NXPH1: variants seen among roughly 807,000 people sequenced by gnomAD.
NXPH1 encodes the protein neurexophilin 1, also known as neurexophilin-1.
NXPH1 carries 5 observed loss-of-function variants against 23.7 expected under a neutral mutation model. That is an observed-to-expected ratio of 0.21 (90% CI 0.11 to 0.44). The LOEUF is 0.44. Ranked by LOEUF, NXPH1 falls within the 20% of genes least tolerant of loss-of-function variation. NXPH1 has a pLI of 0.99. For missense variants in NXPH1, 324 were observed against 321.6 expected, an observed-to-expected ratio of 1.01 and a Z score of -0.06; for synonymous variants, 144 against 122.2, an observed-to-expected ratio of 1.18 and a Z score of -1.18.
chr7:8,639,488 A>C (rs55977736), intron 2 of NXPH1, among the ~76,000 whole-genome samples: 42,353 of 152,030 alleles, frequency 0.28, 6,402 homozygotes, highest in African/African-American at 0.36. Context: ...GTTTCTCTAT[A>C]TACTTTCAAA....
intron 2 of NXPH1, among the ~76,000 whole-genome samples, chr7:8,563,591 T>A (rs551295115): frequency 2.6e-5 from 4 of 151,674 alleles, no homozygotes; most frequent in African/African-American, 9.7e-5. Flanking sequence ...TGTGAAAAAA[T>A]GTGGAGAGCT....
At chr7:8,486,688 C>G (rs1817164521) in intron 2 of NXPH1, among the ~76,000 whole-genome samples, 1 of 152,164 alleles carries the variant, frequency 6.6e-6, no homozygotes, top group African/African-American at 2.4e-5. Context: ...CTAGTCTACA[C>G]TTATTTCTAA....
intron 2 of NXPH1, among the ~76,000 whole-genome samples, chr7:8,554,093 C>T (rs371196722): frequency 1.3e-5 from 2 of 151,540 alleles, no homozygotes; most frequent in South Asian, 2.1e-4. Flanking sequence ...TGGAGTTATG[C>T]TTGTTAAGAG....
At chr7:8,742,897 GAGTTTCCATATCTCTTCAGTAAGCTGA>G (rs1261935048) in intron 2 of NXPH1, among the ~76,000 whole-genome samples, 1 of 152,160 alleles carries the variant, frequency 6.6e-6, no homozygotes, top group East Asian at 1.9e-4. Context: ...AGTGCTATTT[GAGTTTCCATATCTCTTCAGTAAGCTGA>G]AGACTTTGCT....
chr7:8,448,982 T>C (rs545196012), intron 2 of NXPH1, among the ~76,000 whole-genome samples: 2 of 152,342 alleles, frequency 1.3e-5, no homozygotes, highest in South Asian at 4.1e-4. Context: ...TGGCCATTTA[T>C]TAAGATGTGA....
intron 2 of NXPH1, among the ~76,000 whole-genome samples, chr7:8,717,894 G>GTGTATATATA (rs71545892): frequency 0.016 from 2,417 of 147,150 alleles, 31 homozygotes; most frequent in African/African-American, 0.021. Flanking sequence ...CTCTCTGTGT[G>GTGTATATATA]TATATATATA....
At chr7:8,573,257 T>G (rs377251280) in intron 2 of NXPH1, among the ~76,000 whole-genome samples, 85 of 152,230 alleles carry the variant, frequency 5.6e-4, no homozygotes, top group African/African-American at 1.7e-3. Context: ...TCAATATAAT[T>G]GTCTAACTTT....
intron 2 of NXPH1, among the ~76,000 whole-genome samples, chr7:8,476,207 A>T (rs78690618): frequency 0.027 from 4,085 of 152,264 alleles, 170 homozygotes; most frequent in African/African-American, 0.093. Context: ...TATTTAAAAG[A>T]TGCCCATGAA....
intron 2 of NXPH1, among the ~76,000 whole-genome samples, chr7:8,736,548 A>G (rs557895548): frequency 2.0e-5 from 3 of 152,196 alleles, no homozygotes; most frequent in Non-Finnish European, 1.5e-5. Flanking sequence ...TTTACTTTCA[A>G]TTATGTAGTC....
chr7:8,734,772 G>A (rs182669432), intron 2 of NXPH1, among the ~76,000 whole-genome samples: 263 of 152,248 alleles, frequency 1.7e-3, no homozygotes, highest in Non-Finnish European at 2.9e-3. Context: ...TCATTGATCT[G>A]TCTAATATTG....
At chr7:8,489,128 T>A (rs1252337961) in intron 2 of NXPH1, among the ~76,000 whole-genome samples, 1 of 152,092 alleles carries the variant, frequency 6.6e-6, no homozygotes, top group Non-Finnish European at 1.5e-5. Flanking sequence ...ATTGGCTGTT[T>A]CGTTGTCAGG....
chr7:8,460,076 T>A (rs551567993), intron 2 of NXPH1, among the ~76,000 whole-genome samples: 1 of 152,306 alleles, frequency 6.6e-6, no homozygotes, highest in East Asian at 1.9e-4. Context: ...AATCAAAAGC[T>A]TATTTTTATA....
intron 2 of NXPH1, among the ~76,000 whole-genome samples, chr7:8,566,561 C>CT (rs1235548657): frequency 1.3e-5 from 2 of 151,830 alleles, no homozygotes; most frequent in Non-Finnish European, 2.9e-5. Flanking sequence ...AAATTGGTCT[C>CT]TGTCTCTCCT....
At chr7:8,618,726 A>T (rs1819799515) in intron 2 of NXPH1, among the ~76,000 whole-genome samples, 1 of 152,200 alleles carries the variant, frequency 6.6e-6, no homozygotes, top group Non-Finnish European at 1.5e-5. Flanking sequence ...TCATTTTGAG[A>T]GCCTTCTGAG....
chr7:8,479,509 T>C (rs1350893378), intron 2 of NXPH1, among the ~76,000 whole-genome samples: 1 of 152,120 alleles, frequency 6.6e-6, no homozygotes, highest in African/African-American at 2.4e-5. Context: ...TAAATGTATA[T>C]CTTTGTATAT....
In NXPH1 at chr7:8,442,720, T is replaced by A. The variant is rs757393075; in HGVS notation, c.54+6953T>A. ...CGCCACAGCTGCGCGCTTTATTGTC[T>A]GCTTTCAGTCGCAGGTGACCTCGAG... On this transcript the variant is annotated intron_variant, in intron 2 of 2. Transcript: ENST00000405863. This position sits in a 1 kb window ranked among gnomAD's most constrained non-coding sequence, Gnocchi z 4.6. Among the ~76,000 whole-genome samples the A allele has an allele frequency of 1.3e-5, 2 of 152,246 alleles. No individual in the cohort carries two copies. The highest frequency in any genetic ancestry group is 2.9e-5 in the Non-Finnish European group (2 of 68,036).
intron 2 of NXPH1, among the ~76,000 whole-genome samples, chr7:8,680,976 A>G (rs1315798134): frequency 6.6e-6 from 1 of 152,238 alleles, no homozygotes; most frequent in Admixed American, 6.5e-5. Flanking sequence ...ATTGAACTAG[A>G]TGTTTTACAG....
At chr7:8,460,013 T>C (rs1816665777) in intron 2 of NXPH1, among the ~76,000 whole-genome samples, 1 of 152,208 alleles carries the variant, frequency 6.6e-6, no homozygotes, top group Non-Finnish European at 1.5e-5. Context: ...TTTCAATGTG[T>C]GACCTTCCTT....
At chr7:8,516,551 G>A (rs1182085909) in intron 2 of NXPH1, among the ~76,000 whole-genome samples, 1 of 152,142 alleles carries the variant, frequency 6.6e-6, no homozygotes, top group Non-Finnish European at 1.5e-5. Context: ...TCTTGATCCT[G>A]CTGGGGTTTC....
Sources: allele counts gnomAD v4.1 joint callset (sites outside exome capture counted in the v4.1 genomes callset), GRCh38; gene constraint gnomAD v4.1.1; non-coding constraint Gnocchi (gnomAD v3.1); transcripts MANE v1.5; gene names NCBI Gene and HGNC (gene_info 2026-07-23, HGNC 2026-07-21).